RELN: variants seen among roughly 807,000 people sequenced by gnomAD.
RELN encodes the protein reelin.
RELN carries 108 observed loss-of-function variants against 427.6 expected under a neutral mutation model. The observed-to-expected ratio is 0.25, with a 90% CI of 0.22 to 0.30. The LOEUF is 0.30. Ranked by LOEUF, RELN falls within the 10% of genes least tolerant of loss-of-function variation. The pLI is 1.00. For missense variants in RELN, 3,715 were observed against 4,302.8 expected, an observed-to-expected ratio of 0.86 and a Z score of 3.82; for synonymous variants, 1,524 against 1,513.4, an observed-to-expected ratio of 1.01 and a Z score of -0.16.
chr7:103,739,448 G>C (rs1790583258), intron 6 of RELN, among the ~76,000 whole-genome samples: 1 of 152,172 alleles, frequency 6.6e-6, no homozygotes, highest in Non-Finnish European at 1.5e-5. Flanking sequence ...GTCATCAGTA[G>C]TGCAGCCACA....
At chr7:103,487,897 A>C (rs994272548) in intron 60 of RELN, among the ~76,000 whole-genome samples, 5 of 152,162 alleles carry the variant, frequency 3.3e-5, no homozygotes, top group Non-Finnish European at 7.3e-5. Context: ...TAATTCCAGC[A>C]CTTTGGGAGG....
At chr7:103,860,820 C>T (rs1167694070) in intron 2 of RELN, among the ~76,000 whole-genome samples, 1 of 152,100 alleles carries the variant, frequency 6.6e-6, no homozygotes, top group African/African-American at 2.4e-5. Context: ...AAATGACTTG[C>T]TGACTTCTGG....
chr7:103,703,735 T>C (rs1834141338), intron 8 of RELN, among the ~76,000 whole-genome samples: 1 of 152,218 alleles, frequency 6.6e-6, no homozygotes. Flanking sequence ...AATGTAATCC[T>C]TCACTCTGAG....
chr7:103,625,677 C>T (rs189195471), intron 20 of RELN, among the ~76,000 whole-genome samples: 2 of 149,698 alleles, frequency 1.3e-5, no homozygotes, highest in Admixed American at 1.3e-4. Context: ...ACATGTATCC[C>T]CCCTTTTTTT....
intron 6 of RELN, among the ~76,000 whole-genome samples, chr7:103,739,847 T>C (rs529893365): frequency 2.6e-5 from 4 of 152,134 alleles, no homozygotes; most frequent in African/African-American, 4.8e-5. Flanking sequence ...AGTTGCACAA[T>C]TGCACACCAG....
intron 6 of RELN, among the ~76,000 whole-genome samples, chr7:103,743,651 CAA>C (rs1431270884): frequency 6.6e-6 from 1 of 152,096 alleles, no homozygotes; most frequent in Non-Finnish European, 1.5e-5. Flanking sequence ...CAACAAAGAT[CAA>C]AAGAGACAAA....
In RELN at chr7:103,890,041, GT is replaced by G. The variant is rs1298315276; in HGVS notation, c.337+27033del. On this transcript the variant is annotated intron_variant, in intron 2 of 64. Coordinates refer to ENST00000428762, the MANE Select transcript of RELN (RefSeq NM_005045.4). ...TGTTAATGCACCCCTCCTCTCTCAC[GT>G]TTGACTTCACTCCAGCCCTTCCATG... is the stretch of plus-strand genomic sequence containing the variant. 2.6e-5 allele frequency among the ~76,000 whole-genome samples: 4 copies of G among 151,816 alleles called. No individual in the cohort carries two copies. The East Asian group carries it at 7.8e-4, about 29-fold the overall frequency.
chr7:103,903,718 C>T (rs1257651449), intron 2 of RELN, among the ~76,000 whole-genome samples: 1 of 151,872 alleles, frequency 6.6e-6, no homozygotes, highest in African/African-American at 2.4e-5. Flanking sequence ...TATCAATTTT[C>T]TATATGATTC....
intron 1 of RELN, among the ~76,000 whole-genome samples, chr7:103,942,410 C>A (rs1796133905): frequency 6.6e-6 from 1 of 152,178 alleles, no homozygotes; most frequent in Non-Finnish European, 1.5e-5. Context: ...CGGTGTCTGG[C>A]TTATTTACTT....
chr7:103,912,855 A>G (rs1444980687), intron 2 of RELN, among the ~76,000 whole-genome samples: 5 of 152,204 alleles, frequency 3.3e-5, no homozygotes, highest in Non-Finnish European at 7.3e-5. Context: ...TTGAGCGACC[A>G]CAATGAGCCT....
intron 30 of RELN, among the ~76,000 whole-genome samples, chr7:103,572,623 G>A (rs111598340): frequency 0.011 from 1,611 of 151,494 alleles, 12 homozygotes; most frequent in Non-Finnish European, 0.015. Flanking sequence ...TGCAAGCTCC[G>A]CCCCCCAGGT....
rs1270973777 is a variant in RELN, at chr7:103,824,222, C to A, written c.473+9315G>T. Among the ~76,000 whole-genome samples, 1 of 152,016 alleles carries A rather than the reference C, an allele frequency of 6.6e-6. No homozygotes were observed. The highest frequency in any genetic ancestry group is 1.5e-5 in the Non-Finnish European group (1 of 67,990). The stretch of plus-strand genomic sequence containing the variant: ...TCAAATTTGTCTTATTATTTTTATT[C>A]TCTCCTTCTAAAACTTCAATTAGAT... On this transcript the variant is annotated intron_variant, in intron 3 of 64. Coordinates refer to ENST00000428762, the MANE Select transcript of RELN (RefSeq NM_005045.4). This position sits in a 1 kb window ranked among gnomAD's most constrained non-coding sequence, Gnocchi z 4.4.
intron 6 of RELN, among the ~76,000 whole-genome samples, chr7:103,743,591 A>G (rs1015225152): frequency 2.0e-5 from 3 of 152,196 alleles, no homozygotes; most frequent in African/African-American, 4.8e-5. Context: ...ATGGAAAACC[A>G]AAAAAGGCAG....
rs541039918 is a variant in RELN, at chr7:103,932,506, T to C, written c.227-15321A>G. Among the ~76,000 whole-genome samples the C allele has an allele frequency of 5.3e-5, 8 of 152,300 alleles. No individual in the cohort carries two copies. In the South Asian group the frequency reaches 1.7e-3, roughly 32 times the overall value. ...CCTCCATGACACAAGTTTACCTATA[T>C]AACAAATCTGCACGTGTACCCCTGA... On this transcript the variant is annotated intron_variant, in intron 1 of 64. Coordinates refer to ENST00000428762, the MANE Select transcript of RELN (RefSeq NM_005045.4).
chr7:103,772,335 TGAA>T (rs1791589848), intron 4 of RELN, among the ~76,000 whole-genome samples: 1 of 152,196 alleles, frequency 6.6e-6, no homozygotes, highest in African/African-American at 2.4e-5. Flanking sequence ...AATGAATGAA[TGAA>T]TGAATGAATG....
chr7:103,981,522 G>A (rs570787479), intron 1 of RELN, among the ~76,000 whole-genome samples: 41 of 152,262 alleles, frequency 2.7e-4, no homozygotes, highest in African/African-American at 9.9e-4. Flanking sequence ...GCTTGATACA[G>A]GAATTATGAC....
chr7:103,473,129 T>C (rs1827914191), intron 64 of RELN: 4 of 660,444 alleles, frequency 6.1e-6, no homozygotes, highest in Non-Finnish European at 1.1e-5. Context: ...TCCCTGTCTT[T>C]TCATGAGTGA....
intron 2 of RELN, among the ~76,000 whole-genome samples, chr7:103,884,959 C>T (rs1435862464): frequency 6.6e-6 from 1 of 152,136 alleles, no homozygotes; most frequent in Admixed American, 6.5e-5. Context: ...ATAAATCATT[C>T]TACTATAAAG....
At chr7:103,736,134 G>A (rs551757976) in intron 6 of RELN, among the ~76,000 whole-genome samples, 72 of 152,234 alleles carry the variant, frequency 4.7e-4, no homozygotes, top group African/African-American at 1.7e-3. Flanking sequence ...AGACCTTGCC[G>A]GCCATTTGGT....
Sources: allele counts gnomAD v4.1 joint callset (sites outside exome capture counted in the v4.1 genomes callset), GRCh38; gene constraint gnomAD v4.1.1; non-coding constraint Gnocchi (gnomAD v3.1); transcripts MANE v1.5; gene names NCBI Gene and HGNC (gene_info 2026-07-23, HGNC 2026-07-21).